Variants in TRIM71 observed in about 807,000 individuals in gnomAD.
TRIM71 encodes E3 ubiquitin-protein ligase TRIM71.
A neutral mutation model predicts 61.2 loss-of-function variants in TRIM71; 9 were observed. That is an observed-to-expected ratio of 0.15 (90% CI 0.09 to 0.26). TRIM71 has a LOEUF of 0.26. Among genes scored for constraint, TRIM71 ranks in the 10% least tolerant of loss-of-function variants. TRIM71 has a pLI of 1.00. For missense variants in TRIM71, 998 were observed against 1,238.7 expected (o/e 0.81, Z 2.92); for synonymous variants, 645 against 553.2 (o/e 1.17, Z -2.33).
chr3:32,868,614 C>CT (rs1696764137), intron 1 of TRIM71, among the ~76,000 whole-genome samples: 1 of 149,550 alleles, frequency 6.7e-6, no homozygotes. Context: ...TCTTAAAAAA[C>CT]TAAGTTACGC....
intron 1 of TRIM71, among the ~76,000 whole-genome samples, chr3:32,845,168 A>G (rs1281055481): frequency 6.6e-6 from 1 of 152,152 alleles, no homozygotes; most frequent in Non-Finnish European, 1.5e-5. Flanking sequence ...GTATAAAAAC[A>G]GCTAATGCTG....
At chr3:32,858,091 A>G (rs1696626866) in intron 1 of TRIM71, among the ~76,000 whole-genome samples, 1 of 152,150 alleles carries the variant, frequency 6.6e-6, no homozygotes, top group Non-Finnish European at 1.5e-5. Flanking sequence ...GAAGAGAGAG[A>G]GGAGGGTTTA....
intron 1 of TRIM71, among the ~76,000 whole-genome samples, chr3:32,864,799 C>T (rs1559545950): frequency 6.6e-6 from 1 of 151,832 alleles, no homozygotes; most frequent in African/African-American, 2.4e-5. Context: ...TGTTGTCCCC[C>T]AGTTGGTATT....
intron 2 of TRIM71, among the ~76,000 whole-genome samples, chr3:32,883,608 A>T (rs1696931528): frequency 6.6e-6 from 1 of 152,172 alleles, no homozygotes; most frequent in Non-Finnish European, 1.5e-5. Context: ...ATCTTAGCTA[A>T]TTATATCTAC....
chr3:32,857,135 ACTTCT>A (rs762116700), intron 1 of TRIM71, among the ~76,000 whole-genome samples: 10 of 152,066 alleles, frequency 6.6e-5, no homozygotes, highest in Non-Finnish European at 1.5e-4. Flanking sequence ...CCATGTACAC[ACTTCT>A]CTTCAGGAGC....
intron 1 of TRIM71, among the ~76,000 whole-genome samples, chr3:32,819,589 C>T (rs975683174): frequency 1.3e-5 from 2 of 152,208 alleles, no homozygotes; most frequent in Non-Finnish European, 2.9e-5. Context: ...AAGCCCTTCT[C>T]TCTCTGCGGC....
chr3:32,880,418 T>C (rs1047547893), intron 2 of TRIM71, among the ~76,000 whole-genome samples: 7 of 152,198 alleles, frequency 4.6e-5, no homozygotes, highest in African/African-American at 1.7e-4. Flanking sequence ...ATACTGAAAG[T>C]ATATTTCCCC....
chr3:32,881,312 C>T (rs563973268), intron 2 of TRIM71, among the ~76,000 whole-genome samples: 6 of 152,178 alleles, frequency 3.9e-5, no homozygotes, highest in South Asian at 2.1e-4. Flanking sequence ...AGCCACTGCG[C>T]CTGGCCAAAA....
At chr3:32,864,820 A>G (rs191238106) in intron 1 of TRIM71, among the ~76,000 whole-genome samples, 20 of 151,154 alleles carry the variant, frequency 1.3e-4, no homozygotes, top group Admixed American at 1.3e-3. Context: ...TTGCAACATC[A>G]TGATTATACT....
chr3:32,826,115 A>G (rs1696198090), intron 1 of TRIM71, among the ~76,000 whole-genome samples: 1 of 152,146 alleles, frequency 6.6e-6, no homozygotes, highest in Non-Finnish European at 1.5e-5. Context: ...TTTGCTTACA[A>G]CTGGCTTTGA....
chr3:32,857,647 A>G (rs187265355), intron 1 of TRIM71, among the ~76,000 whole-genome samples: 29 of 152,334 alleles, frequency 1.9e-4, no homozygotes, highest in African/African-American at 4.8e-4. Context: ...ATATTCTTCA[A>G]TAAAGTAAGA....
At chr3:32,823,021 C>T (rs1425176449) in intron 1 of TRIM71, among the ~76,000 whole-genome samples, 3 of 152,180 alleles carry the variant, frequency 2.0e-5, no homozygotes, top group African/African-American at 4.8e-5. Flanking sequence ...CTGCTTTCAA[C>T]CTGCTCTACA....
intron 2 of TRIM71, among the ~76,000 whole-genome samples, chr3:32,876,065 C>T (rs185592055): frequency 1.1e-4 from 16 of 152,288 alleles, no homozygotes; most frequent in African/African-American, 3.8e-4. Context: ...TGCTCATTGT[C>T]TTTAAAATGC....
Position 32,891,116 on chromosome 3 carries a change from G to T in TRIM71, c.1912G>T (p.Ala638Ser), listed in dbSNP as rs763782745. Residue 638 changes from alanine (A) to serine (S), a missense_variant, in exon 4 of 4, where the codon GCC becomes TCC. Ala to Ser is a moderately conservative substitution (Grantham distance 99). Transcript: ENST00000383763. This position sits in a 1 kb window ranked among gnomAD's most constrained non-coding sequence, Gnocchi z 8.2. ...CATCCAGGTGTTCAAGCCCTGCGGC[G>T]CCTTCCACCACAAATTCGGCACCCT... is the stretch of plus-strand genomic sequence containing the variant. ...NRIQVFKPCG[A>S]FHHKFGTLGS... 1.2e-6 allele frequency: 2 copies of T among 1,611,630 alleles called. No individual in the cohort carries two copies. Among genetic ancestry groups the T allele is most frequent in the South Asian group, 1.1e-5 (1 of 91,058 alleles).
chr3:32,871,560 A>T (rs1185023164), intron 1 of TRIM71, among the ~76,000 whole-genome samples: 1 of 152,234 alleles, frequency 6.6e-6, no homozygotes, highest in East Asian at 1.9e-4. Flanking sequence ...ACGTCGTTCA[A>T]ACTGGTAGAA....
chr3:32,870,727 C>A (rs964983660), intron 1 of TRIM71, among the ~76,000 whole-genome samples: 1 of 152,128 alleles, frequency 6.6e-6, no homozygotes, highest in Non-Finnish European at 1.5e-5. Context: ...TTGATCTAAA[C>A]CTAAGAAAAA....
intron 1 of TRIM71, among the ~76,000 whole-genome samples, chr3:32,827,265 A>ATTTTTTTTTTTTT (rs1167469115): frequency 2.6e-4 from 31 of 117,406 alleles, no homozygotes; most frequent in Non-Finnish European, 4.3e-4. Flanking sequence ...TAGGGGGATA[A>ATTTTTTTTTTTTT]TTCTTTTTTT....
At chr3:32,877,902 G>T (rs1457750217) in intron 2 of TRIM71, among the ~76,000 whole-genome samples, 1 of 152,070 alleles carries the variant, frequency 6.6e-6, no homozygotes, top group Non-Finnish European at 1.5e-5. Context: ...TATTAATGTT[G>T]ATATTTTGAC....
chr3:32,818,853 C>T lies in TRIM71; in HGVS notation c.773C>T (p.Pro258Leu), dbSNP rs1225570514. The T allele has an allele frequency of 6.2e-7, 1 of 1,612,134 alleles. No individual in the cohort carries two copies. Among genetic ancestry groups the T allele is most frequent in the East Asian group, 2.2e-5 (1 of 44,848 alleles). ...GCGGCGCAGCAGCTCGGGCTCGGGC[C>T]GCCCTTTCCCGGCCCGCCCTTCTCC... ...AAAAQQLGLG[P>L]PFPGPPFSIL... The change falls in exon 1 of 4, where the codon CCG becomes CTG. Residue 258 changes from proline (P) to leucine (L), a missense_variant. Transcript: ENST00000383763.
Sources: gnomAD v4.1 joint callset for allele counts (sites outside exome capture counted in the v4.1 genomes callset) on GRCh38, gnomAD v4.1.1 for gene constraint, Gnocchi (gnomAD v3.1) non-coding constraint, MANE v1.5 for transcripts, NCBI Gene and HGNC (gene_info 2026-07-23, HGNC 2026-07-21) for gene names.